MGAT5: variants seen among roughly 807,000 people sequenced by gnomAD.
MGAT5 encodes the protein alpha-1,6-mannosylglycoprotein 6-beta-N-acetylglucosaminyltransferase.
MGAT5 carries 30 observed loss-of-function variants against 94.3 expected under a neutral mutation model. The ratio of observed to expected loss-of-function variants is 0.32; its 90% confidence interval spans 0.24 to 0.43. The LOEUF (loss-of-function observed/expected upper bound fraction) is 0.43, where lower values mean the gene tolerates loss of function less well. MGAT5 is among the 20% of genes least tolerant of loss of function. MGAT5 has a pLI of 1.00. For missense variants in MGAT5, 691 were observed against 905.5 expected, an observed-to-expected ratio of 0.76 and a Z score of 3.04; for synonymous variants, 310 against 322.9, an observed-to-expected ratio of 0.96 and a Z score of 0.43.
chr2:134,329,485 G>A (rs1175939200), intron 4 of MGAT5, among the ~76,000 whole-genome samples: 1 of 152,080 alleles, frequency 6.6e-6, no homozygotes, highest in East Asian at 1.9e-4. Context: ...TCATACAGAA[G>A]ACCTAGGCGA....
chr2:134,130,478 C>T (rs1000307888), intron 1 of MGAT5, among the ~76,000 whole-genome samples: 1 of 152,240 alleles, frequency 6.6e-6, no homozygotes, highest in African/African-American at 2.4e-5. Context: ...GCTTCTGAGT[C>T]AAGTGAGGAC....
At chr2:134,447,139 T>C (rs984723565) in intron 15 of MGAT5, among the ~76,000 whole-genome samples, 1 of 152,140 alleles carries the variant, frequency 6.6e-6, no homozygotes, top group African/African-American at 2.4e-5. Context: ...TACACACACA[T>C]ATGCATACAT....
intron 2 of MGAT5, among the ~76,000 whole-genome samples, chr2:134,273,064 A>G (rs1411427568): frequency 6.6e-6 from 1 of 152,072 alleles, no homozygotes; most frequent in Non-Finnish European, 1.5e-5. Context: ...CATCCCTTTC[A>G]TAGACACTGT....
intron 10 of MGAT5, among the ~76,000 whole-genome samples, chr2:134,398,321 C>G (rs530114335): frequency 2.8e-4 from 43 of 152,286 alleles, no homozygotes; most frequent in African/African-American, 1.0e-3. Flanking sequence ...ACACGCTTGC[C>G]TCTGCAGCCT....
At chr2:134,368,088 C>G (rs2106141323) in intron 10 of MGAT5, among the ~76,000 whole-genome samples, 1 of 152,204 alleles carries the variant, frequency 6.6e-6, no homozygotes, top group East Asian at 1.9e-4. Context: ...GACCTCTCCT[C>G]TTGGAGACTT....
At position 134,154,069 on chromosome 2, in the gene MGAT5, T is replaced by C. The variant is rs370648683; in HGVS notation, c.-143+33778T>C. Among the ~76,000 whole-genome samples, 147 of 152,302 alleles carry C rather than the reference T, an allele frequency of 9.7e-4. 1 individual carries two copies. Among genetic ancestry groups the C allele is most frequent in the Middle Eastern group, 3.4e-3 (1 of 294 alleles). ...AACAAGAGGTACTTAATTTAATACT[T>C]TTGTAAATAAGAGCCATAGCATTTT... On this transcript the variant is annotated intron_variant, in intron 1 of 16. Coordinates refer to the MGAT5 transcript ENST00000409645.
intron 1 of MGAT5, among the ~76,000 whole-genome samples, chr2:134,265,820 A>G (rs1025806761): frequency 6.6e-6 from 1 of 152,214 alleles, no homozygotes; most frequent in East Asian, 1.9e-4. Flanking sequence ...TATTTTTATT[A>G]AACTATAGAA....
At chr2:134,176,355 C>T (rs538831744) in intron 1 of MGAT5, among the ~76,000 whole-genome samples, 10 of 152,018 alleles carry the variant, frequency 6.6e-5, no homozygotes, top group African/African-American at 2.2e-4. Flanking sequence ...GGGTGGATTG[C>T]GAGGTCAGGA....
chr2:134,193,322 G>T (rs1490428710), intron 1 of MGAT5, among the ~76,000 whole-genome samples: 1 of 152,040 alleles, frequency 6.6e-6, no homozygotes, highest in Non-Finnish European at 1.5e-5. Flanking sequence ...TCCCTGTGTT[G>T]CATGGGCTCA....
rs557523806 is a variant in MGAT5 at position 134,294,694 on chromosome 2, TG to T, written c.407-22834del. On this transcript the variant is annotated intron_variant, in intron 2 of 15. Coordinates refer to ENST00000281923, the MANE Select transcript of MGAT5 (RefSeq NM_002410.5). ...CTGCTAGCCGTAATAAAGAAATCAATGTACTTTATGTTCTTAGCTCCCACAA... is the reference window on the plus strand; with the variant it reads ...CTGCTAGCCGTAATAAAGAAATCAATTACTTTATGTTCTTAGCTCCCACAA... 4.6e-3 allele frequency among the ~76,000 whole-genome samples: 696 copies of T among 152,326 alleles called. 2 individuals are homozygous for T. The highest frequency in any genetic ancestry group is 7.3e-3 in the Non-Finnish European group (498 of 68,022).
At chr2:134,352,062 G>A (rs1679419857) in intron 9 of MGAT5, among the ~76,000 whole-genome samples, 2 of 152,178 alleles carry the variant, frequency 1.3e-5, no homozygotes. Context: ...TATTCTGATG[G>A]TGCAGTGAGC....
chr2:134,381,382 T>TAGATAAGATAAGATAAGATAAGATAAGA (rs1553457734), intron 10 of MGAT5, among the ~76,000 whole-genome samples: 1 of 108,512 alleles, frequency 9.2e-6, no homozygotes, highest in Admixed American at 1.0e-4. Context: ...ATAAGATAGA[T>TAGATAAGATAAGATAAGATAAGATAAGA]TAGATAGATA....
chr2:134,156,724 C>A lies in MGAT5; in HGVS notation c.-143+36433C>A, dbSNP rs115481276. 7.4e-3 allele frequency among the ~76,000 whole-genome samples: 1,129 copies of A among 152,232 alleles called. 11 individuals carry two copies. Among genetic ancestry groups the A allele is most frequent in the African/African-American group, 0.025 (1,035 of 41,532 alleles). ...ACCAGTAGCCCCGGAACAAGTAGTC[C>A]GTTTCGAGGGCTGTGATCCCCTCCC... On this transcript the variant is annotated intron_variant, in intron 1 of 16. Transcript: ENST00000409645.
rs545308813 is a variant in MGAT5, at chr2:134,274,845, C to T, written c.406+4295C>T. On this transcript the variant is annotated intron_variant, in intron 2 of 15. Coordinates refer to ENST00000281923, the MANE Select transcript of MGAT5 (RefSeq NM_002410.5). ...CCTGCATTTTTTCCAAAGTGGGGAG[C>T]GATATGCAACACTTTCTAGTATTTG... is the stretch of plus-strand genomic sequence containing the variant. Among the ~76,000 whole-genome samples, 18 of 152,216 alleles carry T rather than the reference C, an allele frequency of 1.2e-4. 1 individual carries two copies. The highest frequency in any genetic ancestry group is 3.4e-3 in the Middle Eastern group (1 of 294).
chr2:134,413,837 C>T (rs562165421), intron 12 of MGAT5, among the ~76,000 whole-genome samples: 21 of 152,262 alleles, frequency 1.4e-4, no homozygotes, highest in South Asian at 2.1e-4. Flanking sequence ...AGCATCCGTC[C>T]CATGGCATAT....
At chr2:134,264,303 T>G (rs1411623410) in intron 1 of MGAT5, among the ~76,000 whole-genome samples, 1 of 152,212 alleles carries the variant, frequency 6.6e-6, no homozygotes, top group African/African-American at 2.4e-5. Flanking sequence ...ATTACAGGCA[T>G]GAGCCACCGC....
At chr2:134,312,322 A>G (rs1459572981) in intron 2 of MGAT5, among the ~76,000 whole-genome samples, 1 of 152,176 alleles carries the variant, frequency 6.6e-6, no homozygotes, top group Non-Finnish European at 1.5e-5. Context: ...ACTGTCAGTA[A>G]TTCACATGGG....
intron 1 of MGAT5, among the ~76,000 whole-genome samples, chr2:134,163,684 A>G (rs1223681040): frequency 1.3e-5 from 2 of 152,150 alleles, no homozygotes; most frequent in South Asian, 2.1e-4. Context: ...ATGGATTTGC[A>G]TTTGTTATTA....
intron 2 of MGAT5, among the ~76,000 whole-genome samples, chr2:134,278,719 G>A (rs1177776072): frequency 6.6e-6 from 1 of 152,134 alleles, no homozygotes; most frequent in East Asian, 1.9e-4. Flanking sequence ...GCACTACTGT[G>A]GCCAAATGTG....
Sources: gnomAD v4.1 joint callset for allele counts (sites outside exome capture counted in the v4.1 genomes callset) on GRCh38, gnomAD v4.1.1 for gene constraint, MANE v1.5 for transcripts, NCBI Gene and HGNC (gene_info 2026-07-23, HGNC 2026-07-21) for gene names.